The following PGM2L1 variants were observed in gnomAD, a reference collection of about 807,000 sequenced individuals.
PGM2L1 encodes the protein phosphoglucomutase 2 like 1, also known as glucose 1,6-bisphosphate synthase.
In PGM2L1, 35 loss-of-function variants were observed where a neutral mutation model predicts 73.4. That is an observed-to-expected ratio of 0.48 (90% CI 0.36 to 0.63). The LOEUF (loss-of-function observed/expected upper bound fraction) is 0.63, where lower values mean the gene tolerates loss of function less well. Ranked by LOEUF, PGM2L1 falls within the 30% of genes least tolerant of loss-of-function variation. The pLI, the probability that PGM2L1 is intolerant of heterozygous loss-of-function variation, is 0.00. For synonymous variants in PGM2L1, 225 were observed against 253.8 expected, an observed-to-expected ratio of 0.89 and a Z score of 1.08; for missense variants, 570 against 742.0, an observed-to-expected ratio of 0.77 and a Z score of 2.69.
At chr11:74,369,531 G>C (rs1307970655) in intron 4 of PGM2L1, among the ~76,000 whole-genome samples, 2 of 152,096 alleles carry the variant, frequency 1.3e-5, no homozygotes, top group East Asian at 3.8e-4. Flanking sequence ...AGATGTCCCA[G>C]AGGAAGTGAC....
chr11:74,360,443 G>A (rs1005591988), intron 5 of PGM2L1, among the ~76,000 whole-genome samples: 6 of 151,916 alleles, frequency 3.9e-5, no homozygotes, highest in East Asian at 1.9e-4. Context: ...CAAGATGGCC[G>A]AATAGGAACA....
rs1230292679 is a variant in PGM2L1 at position 74,374,536 on chromosome 11, A to T, written c.158T>A (p.Met53Lys). 1 of 1,614,080 alleles carries T rather than the reference A, an allele frequency of 6.2e-7. No individual in the cohort carries two copies. The highest frequency in any genetic ancestry group is 1.3e-5 in the African/African-American group (1 of 74,938). Residue 53 changes from methionine to lysine, a missense_variant, in exon 2 of 14, where the codon ATG becomes AAG. Transcript: ENST00000298198. ...EQIENLLRNG[M>K]NKELRDRLCC... ...AAGACGATCTCGCAGCTCCTTGTTC[A>T]TCCCATTCCGTAACAGGTTTTCAAT...
chr11:74,359,068 T>C (rs1862509310), intron 5 of PGM2L1, among the ~76,000 whole-genome samples: 1 of 152,198 alleles, frequency 6.6e-6, no homozygotes, highest in Non-Finnish European at 1.5e-5. Flanking sequence ...GAATAAAGCA[T>C]ATATATTCAT....
intron 5 of PGM2L1, among the ~76,000 whole-genome samples, chr11:74,356,710 G>T (rs1862461750): frequency 6.6e-6 from 1 of 152,172 alleles, no homozygotes. Context: ...TTTTACATAT[G>T]AAGAGTTCCC....
rs566256547 is a variant in PGM2L1 at position 74,367,244 on chromosome 11, G to A, written c.555+1248C>T. Among the ~76,000 whole-genome samples, 4 of 152,274 alleles carry A rather than the reference G, an allele frequency of 2.6e-5. No homozygotes were observed. The South Asian group carries it at 8.3e-4, about 32-fold the overall frequency. ...GTTCTAGAGACACTAATTTTGAGGT[G>A]TCTGTTAGACATCCCAATGTATCAA... is the stretch of plus-strand genomic sequence containing the variant. On this transcript the variant is annotated intron_variant, in intron 5 of 13. Coordinates refer to ENST00000298198, the MANE Select transcript of PGM2L1 (RefSeq NM_173582.6).
At chr11:74,348,983 C>T (rs1054621590) in intron 6 of PGM2L1, among the ~76,000 whole-genome samples, 1 of 152,168 alleles carries the variant, frequency 6.6e-6, no homozygotes, top group Non-Finnish European at 1.5e-5. Flanking sequence ...CCAGTGTCAG[C>T]CTAATCCTTC....
intron 1 of PGM2L1, among the ~76,000 whole-genome samples, chr11:74,396,800 A>G (rs919943271): frequency 1.3e-5 from 2 of 152,216 alleles, no homozygotes; most frequent in African/African-American, 4.8e-5. Context: ...GGTGATCTAT[A>G]AGCACATTAA....
intron 12 of PGM2L1, among the ~76,000 whole-genome samples, chr11:74,341,900 C>T (rs770516385): frequency 2.6e-5 from 4 of 152,020 alleles, no homozygotes; most frequent in Non-Finnish European, 4.4e-5. Flanking sequence ...GGTTCCTCCA[C>T]GTTTAAACCA....
chr11:74,381,230 A>C (rs1396927139), intron 1 of PGM2L1, among the ~76,000 whole-genome samples: 1 of 152,178 alleles, frequency 6.6e-6, no homozygotes, highest in Non-Finnish European at 1.5e-5. Flanking sequence ...CTTCCTGGGC[A>C]CCATGCCAGC....
Position 74,351,516 on chromosome 11 carries a change from T to C in PGM2L1, c.616A>G (p.Ile206Val), listed in dbSNP as rs747742353. Residue 206 changes from isoleucine to valine, a missense_variant, in exon 6 of 14, where the codon ATA becomes GTA. Physicochemically the swap from Ile to Val is conservative, Grantham distance 29. Transcript: ENST00000298198. The part of the protein sequence containing the change: ...SPHDKEILKC[I>V]EECVEPWNGS... ...TTCCAGGGTTCCACACATTCTTCTA[T>C]ACATTTTAGAATTTCTTTATCATGA... 3.7e-6 allele frequency: 6 copies of C among 1,613,512 alleles called. No homozygotes were observed. In the Admixed American group the frequency reaches 6.7e-5, roughly 18 times the overall value.
intron 1 of PGM2L1, among the ~76,000 whole-genome samples, chr11:74,381,601 C>CA: frequency 9.5e-6 from 1 of 104,802 alleles, no homozygotes; most frequent in Non-Finnish European, 1.8e-5. Context: ...TTTTTTGAGA[C>CA]AGAGTCTCGT....
rs1445981745 is a variant in PGM2L1, at chr11:74,390,369, TTTC to T, written c.111+7679_111+7681del. 4.6e-5 allele frequency among the ~76,000 whole-genome samples: 7 copies of T among 152,202 alleles called. No homozygotes were observed. The South Asian group carries it at 6.2e-4, about 14-fold the overall frequency. On this transcript the variant is annotated intron_variant, in intron 1 of 13. Coordinates refer to ENST00000298198, the MANE Select transcript of PGM2L1 (RefSeq NM_173582.6). ...TTCAGTAAGCAATCTACATTTAAGG[TTTC>T]TTCATCTTTTCACAGCTTGATAGCT...
rs577901382 is a variant in PGM2L1, at chr11:74,350,128, C to G, written c.749+1255G>C. 2.0e-5 allele frequency among the ~76,000 whole-genome samples: 3 copies of G among 152,212 alleles called. No individual in the cohort carries two copies. The South Asian group carries it at 6.2e-4, about 32-fold the overall frequency. The stretch of plus-strand genomic sequence containing the variant: ...GAAAGGATAAAAAAGGAATCAAATT[C>G]TTTTTAGATTGATTAGAGCTGGTAG... On this transcript the variant is annotated intron_variant, in intron 6 of 13. Coordinates refer to ENST00000298198, the MANE Select transcript of PGM2L1 (RefSeq NM_173582.6).
chr11:74,343,199 T>G (rs1376120406), intron 10 of PGM2L1, 124 bp downstream of exon 10: 12 of 1,342,784 alleles, frequency 8.9e-6, no homozygotes, highest in Non-Finnish European at 1.2e-5. Context: ...TATCTACATA[T>G]TTCTCATTCT....
In PGM2L1 at chr11:74,333,318, T is replaced by C. The variant is rs1862042059; in HGVS notation, c.*3334A>G. 1 of 152,192 alleles carries C rather than the reference T, an allele frequency of 6.6e-6. No individual in the cohort carries two copies. Among genetic ancestry groups the C allele is most frequent in the African/African-American group, 2.4e-5 (1 of 41,450 alleles). The allele number at this position is 152,192 out of a possible 1,614,324, so 9.4% of individuals were successfully genotyped here. ...CCTCTGGTTCTGTCTTCACTAGAGATGGAGAACACTATGGCATAGTATTTC... is the reference window on the plus strand; with the variant it reads ...CCTCTGGTTCTGTCTTCACTAGAGACGGAGAACACTATGGCATAGTATTTC... On this transcript the variant is annotated 3_prime_UTR_variant, in exon 14 of 14. Coordinates refer to ENST00000298198, the MANE Select transcript of PGM2L1 (RefSeq NM_173582.6).
rs760012253 is a variant in PGM2L1 at position 74,368,580 on chromosome 11, A to T, written c.472-5T>A. ...GAGCTTCTGAACTGCATATGGCTGA[A>T]AAATAAATAACACCATAATTCCATT... On this transcript the variant is annotated splice_polypyrimidine_tract_variant and splice_region_variant and intron_variant, in intron 4 of 13. Transcript: ENST00000298198. 1.2e-6 allele frequency: 2 copies of T among 1,611,358 alleles called. No homozygotes were observed. Among genetic ancestry groups the T allele is most frequent in the African/African-American group, 2.7e-5 (2 of 74,872 alleles).
chr11:74,389,487 TCACC>T (rs1314157398), intron 1 of PGM2L1, among the ~76,000 whole-genome samples: 1 of 151,648 alleles, frequency 6.6e-6, no homozygotes, highest in African/African-American at 2.4e-5. Flanking sequence ...TCTCGCTCTG[TCACC>T]CAGGCTGGAG....
At chr11:74,382,443 T>C (rs1281365734) in intron 1 of PGM2L1, among the ~76,000 whole-genome samples, 1 of 152,228 alleles carries the variant, frequency 6.6e-6, no homozygotes, top group Non-Finnish European at 1.5e-5. Flanking sequence ...TTACCTTTTA[T>C]GGCCTAGCCC....
intron 5 of PGM2L1, chr11:74,355,062 C>T (rs1009211586): frequency 7.7e-6 from 10 of 1,305,030 alleles, no homozygotes; most frequent in African/African-American, 4.4e-5. Context: ...TGGTGGTGGT[C>T]GTGGAGGTGG....
Sources: allele counts gnomAD v4.1 joint callset (sites outside exome capture counted in the v4.1 genomes callset), GRCh38; gene constraint gnomAD v4.1.1; transcripts MANE v1.5; gene names NCBI Gene and HGNC (gene_info 2026-07-23, HGNC 2026-07-21).